The following SASH1 variants were observed in gnomAD, a reference collection of about 807,000 sequenced individuals.
SASH1 encodes the protein SAM and SH3 domain-containing protein 1.
Under a neutral mutation model 125.2 loss-of-function variants are expected in SASH1, and 44 were observed. That is an observed-to-expected ratio of 0.35 (90% CI 0.28 to 0.45). SASH1 has a LOEUF of 0.45. Among genes scored for constraint, SASH1 ranks in the 20% least tolerant of loss-of-function variants. The pLI is 1.00. For missense variants in SASH1, 1,426 were observed against 1,614.5 expected, an observed-to-expected ratio of 0.88 and a Z score of 2.00; for synonymous variants, 639 against 649.1, an observed-to-expected ratio of 0.98 and a Z score of 0.24.
Position 148,301,049 on chromosome 6 carries a change from C to T in SASH1, n.74+28672C>T, listed in dbSNP as rs189416410. On this transcript the variant is annotated intron_variant and non_coding_transcript_variant, in intron 1 of 3. Coordinates refer to the SASH1 transcript ENST00000367469. ...AGCTCACTGAAACCTCCTCCTCGGC[C>T]GGGCTCGGTGGCTCATACCTGTAAT... is the stretch of plus-strand genomic sequence containing the variant. 8.4e-4 allele frequency among the ~76,000 whole-genome samples: 128 copies of T among 151,982 alleles called. 1 individual carries two copies. Among genetic ancestry groups the T allele is most frequent in the Middle Eastern group, 3.4e-3 (1 of 294 alleles).
At chr6:148,299,502 G>A (rs2495946) in intron 1 of SASH1, among the ~76,000 whole-genome samples, 13,212 of 151,676 alleles carry the variant, frequency 0.087, 843 homozygotes, top group African/African-American at 0.18. Flanking sequence ...CCTCATGTCT[G>A]CTAAAGACAC....
intron 9 of SASH1, among the ~76,000 whole-genome samples, chr6:148,518,683 G>A (rs144827381): frequency 5.4e-4 from 82 of 152,264 alleles, no homozygotes; most frequent in African/African-American, 1.8e-3. Context: ...AGTTGGGATC[G>A]CTACACCCAC....
intron 1 of SASH1, among the ~76,000 whole-genome samples, chr6:148,304,636 A>G (rs921043677): frequency 2.0e-5 from 3 of 151,950 alleles, no homozygotes; most frequent in African/African-American, 7.3e-5. Context: ...AAAATTAAAA[A>G]TAACCAAATC....
rs769187570 is a variant in SASH1, at chr6:148,529,954, G to A, written c.1429-1572G>A. Among the ~76,000 whole-genome samples the A allele has an allele frequency of 2.6e-5, 4 of 151,952 alleles. No individual in the cohort carries two copies. Among genetic ancestry groups the A allele is most frequent in the Non-Finnish European group, 2.9e-5 (2 of 67,972 alleles). On this transcript the variant is annotated intron_variant, in intron 12 of 19. Coordinates refer to ENST00000367467, the MANE Select transcript of SASH1 (RefSeq NM_015278.5). This position sits in a 1 kb window ranked among gnomAD's most constrained non-coding sequence, Gnocchi z 4.2. ...CTTGAGTAGCTGGGACTACAGGCAC[G>A]TGCCACCATACCCGGCTAATTATTG...
chr6:148,531,660 G>GAGTA lies in SASH1; in HGVS notation c.1564+3_1564+6dup. On this transcript the variant is annotated frameshift_variant and splice_region_variant, in exon 13 of 20. Transcript: ENST00000367467. LOFTEE classifies it high-confidence loss of function. ...GTTCTCTCAGTGGGCAGAGCTCCAT[G>GAGTA]AGTAAGTCGAGTTTGTCATTGTAGA... 1 of 1,519,846 alleles carries GAGTA rather than the reference G, an allele frequency of 6.6e-7. No individual in the cohort carries two copies. Among genetic ancestry groups the GAGTA allele is most frequent in the Non-Finnish European group, 8.8e-7 (1 of 1,134,180 alleles). 94.1% of individuals were successfully genotyped at this position (1,519,846 alleles called of 1,614,324 possible).
In SASH1 at chr6:148,295,076, T is replaced by A. The variant is rs149800629; in HGVS notation, n.74+22699T>A. Among the ~76,000 whole-genome samples, 441 of 151,504 alleles carry A rather than the reference T, an allele frequency of 2.9e-3. 2 individuals carry two copies. The highest frequency in any genetic ancestry group is 9.9e-3 in the African/African-American group (409 of 41,414). ...TTTTCTTTCTCGTTCTCTCTCTCTC[T>A]CACACACACACACATACACACCCGT... On this transcript the variant is annotated intron_variant and non_coding_transcript_variant, in intron 1 of 3. Transcript: ENST00000367469.
intron 1 of SASH1, among the ~76,000 whole-genome samples, chr6:148,361,105 C>T (rs1038274418): frequency 5.9e-5 from 9 of 152,084 alleles, no homozygotes; most frequent in Admixed American, 2.6e-4. Context: ...TAAGGAATGC[C>T]GAAGATCGCT....
At chr6:148,476,951 A>T (rs1328777279) in intron 7 of SASH1, among the ~76,000 whole-genome samples, 2 of 152,242 alleles carry the variant, frequency 1.3e-5, no homozygotes, top group African/African-American at 4.8e-5. Context: ...GGTGCCAAGA[A>T]TATACAATGG....
chr6:148,348,778 T>C (rs962527821), intron 1 of SASH1, among the ~76,000 whole-genome samples: 24 of 152,248 alleles, frequency 1.6e-4, no homozygotes, highest in African/African-American at 5.3e-4. Context: ...TGGCTGCTAA[T>C]TTTTGTTTGT....
intron 1 of SASH1, among the ~76,000 whole-genome samples, chr6:148,353,108 A>G (rs1275137400): frequency 6.6e-6 from 1 of 152,020 alleles, no homozygotes; most frequent in African/African-American, 2.4e-5. Flanking sequence ...TCCCTGTGTC[A>G]CGCAGGCTGG....
At chr6:148,302,622 C>CAT (rs1194251452) in intron 1 of SASH1, among the ~76,000 whole-genome samples, 25 of 144,004 alleles carry the variant, frequency 1.7e-4, no homozygotes, top group African/African-American at 5.8e-4. Context: ...ACGCAGAAAT[C>CAT]ATATATATAT....
chr6:148,215,633 A>T, the SASH1 span, among the ~76,000 whole-genome samples: 4 of 152,070 alleles, frequency 2.6e-5, no homozygotes, highest in Non-Finnish European at 4.4e-5. Flanking sequence ...CTCAGTAATA[A>T]ACGGCCCTCT....
At chr6:148,466,978 C>G (rs1056780162) in intron 4 of SASH1, among the ~76,000 whole-genome samples, 1 of 151,698 alleles carries the variant, frequency 6.6e-6, no homozygotes, top group Non-Finnish European at 1.5e-5. Flanking sequence ...GATGCAGGTG[C>G]CTTCTTTCTG....
At chr6:148,297,435 TA>T (rs766023167) in intron 1 of SASH1, among the ~76,000 whole-genome samples, 19 of 151,312 alleles carry the variant, frequency 1.3e-4, no homozygotes, top group African/African-American at 4.1e-4. Flanking sequence ...ACTAGGATTG[TA>T]AAAAAAAATA....
intron 16 of SASH1, among the ~76,000 whole-genome samples, chr6:148,537,079 G>A (rs1447851417): frequency 6.6e-6 from 1 of 152,136 alleles, no homozygotes; most frequent in East Asian, 1.9e-4. Flanking sequence ...AGTCATCGTG[G>A]CTAAGAAGTA....
At chr6:148,515,439 T>G (rs1780383041) in intron 9 of SASH1, among the ~76,000 whole-genome samples, 2 of 152,188 alleles carry the variant, frequency 1.3e-5, no homozygotes, top group African/African-American at 4.8e-5. Context: ...TTTTTCGTTT[T>G]TATTGCTGCT....
intron 2 of SASH1, among the ~76,000 whole-genome samples, chr6:148,425,068 A>G (rs1485273584): frequency 1.3e-5 from 2 of 152,146 alleles, no homozygotes; most frequent in Non-Finnish European, 2.9e-5. Context: ...TCAGCGGCAT[A>G]CTTGGTCATC....
chr6:148,539,089 C>G (rs761100177), intron 16 of SASH1, among the ~76,000 whole-genome samples: 11 of 147,032 alleles, frequency 7.5e-5, no homozygotes, highest in Non-Finnish European at 1.6e-4. Context: ...GCGTCCGATG[C>G]TGCTTTTTTT....
intron 1 of SASH1, among the ~76,000 whole-genome samples, chr6:148,353,783 A>G (rs1781827003): frequency 6.6e-6 from 1 of 152,182 alleles, no homozygotes; most frequent in Non-Finnish European, 1.5e-5. Flanking sequence ...CCTTTTTAAT[A>G]TGTAGCTTAA....
Sources: gnomAD v4.1 joint callset for allele counts (sites outside exome capture counted in the v4.1 genomes callset) on GRCh38, gnomAD v4.1.1 for gene constraint, Gnocchi (gnomAD v3.1) non-coding constraint, MANE v1.5 for transcripts, NCBI Gene and HGNC (gene_info 2026-07-23, HGNC 2026-07-21) for gene names.